PPFIBP2: variants seen among roughly 807,000 people sequenced by gnomAD.
PPFIBP2 encodes the protein liprin-beta-2.
In PPFIBP2, 118 loss-of-function variants were observed where a neutral mutation model predicts 118.3. The ratio of observed to expected loss-of-function variants is 1.00; its 90% CI spans 0.86 to 1.16. The LOEUF is 1.16. Among genes scored for constraint, PPFIBP2 ranks in the 50% most tolerant of loss-of-function variants. The probability of loss-of-function intolerance (pLI) is 0.00; values close to 1 mark genes in which losing one functional copy is unlikely to be tolerated. For synonymous variants in PPFIBP2, 414 were observed against 397.4 expected (o/e 1.04, Z -0.50); for missense variants, 1,195 against 1,073.1 (o/e 1.11, Z -1.59).
the PPFIBP2 span, among the ~76,000 whole-genome samples, chr11:7,663,282 T>A: frequency 6.8e-6 from 1 of 147,358 alleles, no homozygotes; most frequent in East Asian, 2.0e-4. Flanking sequence ...TGTGGTTTTA[T>A]CTACTTTTGG....
chr11:7,626,316 C>T (rs1482995541), intron 8 of PPFIBP2, among the ~76,000 whole-genome samples: 1 of 152,186 alleles, frequency 6.6e-6, no homozygotes, highest in Non-Finnish European at 1.5e-5. Context: ...CTGTATAAGG[C>T]CCTGAGACTA....
At chr11:7,658,861 T>A (rs1854825746), downstream of PPFIBP2, among the ~76,000 whole-genome samples, 1 of 99,322 alleles carries the variant, frequency 1.0e-5, no homozygotes, top group Non-Finnish European at 2.1e-5. Context: ...AGATGGTATC[T>A]CATTGTGGTT....
chr11:7,605,808 T>G, intron 5 of PPFIBP2: 1 of 1,377,100 alleles, frequency 7.3e-7, no homozygotes, highest in Non-Finnish European at 9.3e-7. Context: ...AGGAGAGAAT[T>G]TCAGAGCTGA....
At chr11:7,563,915 C>T (rs932834914) in intron 2 of PPFIBP2, among the ~76,000 whole-genome samples, 1 of 152,118 alleles carries the variant, frequency 6.6e-6, no homozygotes, top group Non-Finnish European at 1.5e-5. Flanking sequence ...CCTGTAATCC[C>T]AGCACTTTGG....
chr11:7,588,711 C>T (rs903125953), intron 3 of PPFIBP2, among the ~76,000 whole-genome samples: 2 of 152,210 alleles, frequency 1.3e-5, no homozygotes, highest in African/African-American at 4.8e-5. Context: ...AGGATGAATT[C>T]CTTGTGTCCA....
At chr11:7,538,729 C>G (rs909297972) in intron 1 of PPFIBP2, among the ~76,000 whole-genome samples, 1 of 139,742 alleles carries the variant, frequency 7.2e-6, no homozygotes. Context: ...CTGGGAATAC[C>G]CGGTGCATAA....
chr11:7,614,126 T>C (rs533411984), intron 6 of PPFIBP2, among the ~76,000 whole-genome samples: 1 of 152,250 alleles, frequency 6.6e-6, no homozygotes, highest in African/African-American at 2.4e-5. Context: ...AGAGTTTTTT[T>C]ATTCTTGTTT....
chr11:7,633,027 A>G (rs1049752465), intron 12 of PPFIBP2, 93 bp downstream of exon 12: 2 of 1,161,952 alleles, frequency 1.7e-6, no homozygotes, highest in Non-Finnish European at 2.5e-6. Flanking sequence ...AATGGTGAGC[A>G]TGGCCACTGA....
At chr11:7,652,116 C>T (rs915767655) in intron 23 of PPFIBP2, among the ~76,000 whole-genome samples, 1 of 152,274 alleles carries the variant, frequency 6.6e-6, no homozygotes, top group African/African-American at 2.4e-5. Context: ...AGCTCGTCCT[C>T]TACCCCACTG....
rs78820893 is a variant in PPFIBP2, at chr11:7,638,048, C to T, written c.1237-1684C>T. Among the ~76,000 whole-genome samples the T allele has an allele frequency of 5.3e-3, 809 of 152,296 alleles. 6 individuals carry two copies. The highest frequency in any genetic ancestry group is 0.019 in the African/African-American group (778 of 41,554). ...ATAATAGGGAGCTTGGAGTCATGCC[C>T]TTCAGGTCTCTAACATCTTTGAACA... is the stretch of plus-strand genomic sequence containing the variant. On this transcript the variant is annotated intron_variant, in intron 14 of 23. Coordinates refer to ENST00000299492, the MANE Select transcript of PPFIBP2 (RefSeq NM_003621.5).
At chr11:7,577,652 T>C (rs1258261462) in intron 3 of PPFIBP2, 2 of 455,962 alleles carry the variant, frequency 4.4e-6, no homozygotes, top group Non-Finnish European at 8.8e-6. Flanking sequence ...AGTGACTGGC[T>C]GCTTTGTCTG....
At chr11:7,601,614 T>G (rs986048563) in intron 5 of PPFIBP2, among the ~76,000 whole-genome samples, 1 of 152,164 alleles carries the variant, frequency 6.6e-6, no homozygotes, top group African/African-American at 2.4e-5. Flanking sequence ...AGATGTGGTC[T>G]TAGACTCACT....
chr11:7,554,784 G>A (rs894591293), intron 2 of PPFIBP2, among the ~76,000 whole-genome samples: 26 of 95,986 alleles, frequency 2.7e-4, no homozygotes, highest in Non-Finnish European at 5.1e-4. Context: ...TGAATCCCAG[G>A]TGACTAGACT....
At chr11:7,514,363 C>G (rs1268390662) in intron 1 of PPFIBP2, among the ~76,000 whole-genome samples, 2 of 152,348 alleles carry the variant, frequency 1.3e-5, no homozygotes, top group African/African-American at 4.8e-5. Context: ...AATCTCCACC[C>G]AACCCTGCCT....
At chr11:7,663,854 G>A in the PPFIBP2 span, among the ~76,000 whole-genome samples, 211 of 152,310 alleles carry the variant, frequency 1.4e-3, no homozygotes, top group Middle Eastern at 3.4e-3. Context: ...CTCATGGTGC[G>A]CCGTTTTTTA....
chr11:7,606,001 C>T (rs745607996), intron 5 of PPFIBP2: 55 of 1,534,904 alleles, frequency 3.6e-5, no homozygotes, highest in East Asian at 4.9e-5. Context: ...ATTGAGGAGA[C>T]GGAGTGCGCC....
At chr11:7,649,761 A>G in intron 21 of PPFIBP2, 107 bp downstream of exon 21, 4 of 1,482,262 alleles carry the variant, frequency 2.7e-6, no homozygotes, top group South Asian at 2.6e-5. Flanking sequence ...TTTTTGCACC[A>G]TGGTGCCTGG....
chr11:7,642,238 C>T, intron 16 of PPFIBP2, 60 bp from the exon 17 acceptor site: 11 of 1,592,762 alleles, frequency 6.9e-6, no homozygotes, highest in Non-Finnish European at 9.4e-6. Flanking sequence ...AGAGGAAGCA[C>T]AGTGACTGTA....
rs559569430 is a variant in PPFIBP2 at position 7,538,761 on chromosome 11, G to A, written c.-36-10679G>A. Among the ~76,000 whole-genome samples, 6 of 152,268 alleles carry A rather than the reference G, an allele frequency of 3.9e-5. No homozygotes were observed. In the East Asian group the frequency reaches 7.7e-4, roughly 20 times the overall value. The stretch of plus-strand genomic sequence containing the variant: ...ATAAAACTCACTAACCTGGTATAGC[G>A]GGAAAAAGACGCTAAGCAAGAAATA... On this transcript the variant is annotated intron_variant, in intron 1 of 23. Transcript: ENST00000299492.
Sources: gnomAD v4.1 joint callset for allele counts (sites outside exome capture counted in the v4.1 genomes callset) on GRCh38, gnomAD v4.1.1 for gene constraint, MANE v1.5 for transcripts, NCBI Gene and HGNC (gene_info 2026-07-23, HGNC 2026-07-21) for gene names.